RAD51B: variants seen among roughly 807,000 people sequenced by gnomAD.
RAD51B encodes DNA repair protein RAD51 homolog 2.
In RAD51B, 38 loss-of-function variants were observed where a neutral mutation model predicts 42.2. The ratio of observed to expected loss-of-function variants is 0.90; its 90% CI spans 0.70 to 1.18. The LOEUF (loss-of-function observed/expected upper bound fraction) is 1.18. Among genes scored for constraint, RAD51B ranks in the 50% most tolerant of loss-of-function variants. The pLI, the probability that RAD51B is intolerant of heterozygous loss-of-function variation, is 0.00. For synonymous variants in RAD51B, 154 were observed against 145.2 expected (o/e 1.06, Z -0.43); for missense variants, 373 against 400.7 (o/e 0.93, Z 0.59).
At chr14:68,171,938 C>T (rs1002685174) in intron 7 of RAD51B, among the ~76,000 whole-genome samples, 5 of 152,048 alleles carry the variant, frequency 3.3e-5, no homozygotes, top group Non-Finnish European at 7.4e-5. Context: ...AACTCCTGAC[C>T]TCAAGTGATC....
At chr14:68,529,751 G>GA (rs1342783437) in intron 10 of RAD51B, among the ~76,000 whole-genome samples, 1 of 152,112 alleles carries the variant, frequency 6.6e-6, no homozygotes, top group Non-Finnish European at 1.5e-5. Context: ...TCAACACTAA[G>GA]AAAACCAGTC....
Position 67,887,093 on chromosome 14 carries a change from G to A in RAD51B, c.645G>A (p.Val215=). The A allele has an allele frequency of 6.3e-7, 1 of 1,589,390 alleles. No individual in the cohort carries two copies. Among genetic ancestry groups the A allele is most frequent in the Non-Finnish European group, 8.6e-7 (1 of 1,159,690 alleles). Residue 215 remains valine (V), a synonymous_variant, in exon 7 of 11, where the codon GTG becomes GTA. Transcript: ENST00000471583. ...TGATTCTTGACTCTGTTGCTTCTGTGGTCAGAAAGGAGTTTGATGCACAAC... is the reference window on the plus strand; with the variant it reads ...TGATTCTTGACTCTGTTGCTTCTGTAGTCAGAAAGGAGTTTGATGCACAAC... ...KLVILDSVAS[V]VRKEFDAQLQ... is the part of the protein sequence containing the mutation.
Position 68,580,529 on chromosome 14 carries a change from G to A in RAD51B, c.1037-13956G>A, listed in dbSNP as rs74059394. ...GGAAGTGTTTGGGACAGTGACCCGC[G>A]TGGAAGAGACATTGTTATACACGTG... On this transcript the variant is annotated intron_variant, in intron 10 of 10. Coordinates refer to the RAD51B transcript ENST00000487270. 1.2e-3 allele frequency among the ~76,000 whole-genome samples: 187 copies of A among 152,250 alleles called. 1 individual carries two copies. Among genetic ancestry groups the A allele is most frequent in the African/African-American group, 4.0e-3 (166 of 41,550 alleles).
At chr14:68,187,580 T>C (rs1393046001) in intron 7 of RAD51B, among the ~76,000 whole-genome samples, 1 of 152,160 alleles carries the variant, frequency 6.6e-6, no homozygotes, top group African/African-American at 2.4e-5. Flanking sequence ...AAGTAATACA[T>C]ACCCTTAAAA....
chr14:68,437,285 ATTCTGTT>A (rs1351871506), intron 9 of RAD51B, among the ~76,000 whole-genome samples: 1 of 152,178 alleles, frequency 6.6e-6, no homozygotes, highest in African/African-American at 2.4e-5. Flanking sequence ...TTTCTCTTGA[ATTCTGTT>A]TATGTGATGA....
intron 7 of RAD51B, among the ~76,000 whole-genome samples, chr14:67,895,338 G>T (rs867932648): frequency 2.0e-5 from 3 of 152,202 alleles, no homozygotes; most frequent in South Asian, 2.1e-4. Flanking sequence ...TGCAGAGAAT[G>T]AGGTGATTTA....
intron 7 of RAD51B, among the ~76,000 whole-genome samples, chr14:68,123,634 C>G (rs2077697348): frequency 6.6e-6 from 1 of 152,008 alleles, no homozygotes; most frequent in South Asian, 2.1e-4. Flanking sequence ...GTGGTGAAAC[C>G]CCATCTCTAC....
intron 10 of RAD51B, among the ~76,000 whole-genome samples, chr14:68,560,670 AGGTTG>A (rs1889100176): frequency 6.6e-6 from 1 of 152,162 alleles, no homozygotes; most frequent in South Asian, 2.1e-4. Context: ...CGGGAGGCGG[AGGTTG>A]CAGTGAGCCG....
intron 8 of RAD51B, among the ~76,000 whole-genome samples, chr14:68,311,987 AT>A (rs1228580248): frequency 3.3e-5 from 5 of 152,222 alleles, no homozygotes; most frequent in Non-Finnish European, 5.9e-5. Context: ...CAGCATTGTT[AT>A]TTCAATTCAT....
At chr14:67,892,986 T>G (rs1284249917) in intron 7 of RAD51B, among the ~76,000 whole-genome samples, 2 of 152,232 alleles carry the variant, frequency 1.3e-5, no homozygotes, top group African/African-American at 2.4e-5. Flanking sequence ...GTATCCTTTT[T>G]CTGTAATAAG....
intron 11 of RAD51B, among the ~76,000 whole-genome samples, chr14:68,660,763 C>T (rs1329322272): frequency 6.6e-6 from 1 of 152,116 alleles, no homozygotes; most frequent in Admixed American, 6.5e-5. Context: ...CCAGAGGGGG[C>T]GGTGTTTGGG....
intron 7 of RAD51B, among the ~76,000 whole-genome samples, chr14:68,102,875 G>T (rs113043852): frequency 6.6e-5 from 10 of 152,164 alleles, no homozygotes; most frequent in Non-Finnish European, 1.3e-4. Context: ...AAGGAAAGAG[G>T]TTTAGTTGAC....
At chr14:68,558,242 C>T (rs1251296296) in intron 10 of RAD51B, among the ~76,000 whole-genome samples, 1 of 152,192 alleles carries the variant, frequency 6.6e-6, no homozygotes, top group Non-Finnish European at 1.5e-5. Context: ...TGAATATCTC[C>T]ACCCCACCCA....
intron 7 of RAD51B, among the ~76,000 whole-genome samples, chr14:68,060,100 A>G (rs988878189): frequency 6.6e-6 from 1 of 152,178 alleles, no homozygotes; most frequent in Non-Finnish European, 1.5e-5. Context: ...CTTTTTAGCT[A>G]TGATTATATA....
intron 7 of RAD51B, among the ~76,000 whole-genome samples, chr14:68,226,916 T>C (rs1252039378): frequency 1.3e-5 from 2 of 152,214 alleles, no homozygotes; most frequent in African/African-American, 4.8e-5. Flanking sequence ...CTAGTTTTTC[T>C]TTACTTCGTT....
intron 4 of RAD51B, among the ~76,000 whole-genome samples, chr14:67,849,909 A>C (rs1170254075): frequency 6.6e-6 from 1 of 152,150 alleles, no homozygotes; most frequent in East Asian, 1.9e-4. Flanking sequence ...CTAGAGAGCT[A>C]CTGTGATTCT....
At chr14:68,072,660 A>G (rs1426861415) in intron 7 of RAD51B, among the ~76,000 whole-genome samples, 1 of 152,142 alleles carries the variant, frequency 6.6e-6, no homozygotes, top group African/African-American at 2.4e-5. Context: ...CTCAGTATTA[A>G]CCATCACAGG....
chr14:68,531,450 T>C (rs1287480076), intron 10 of RAD51B, among the ~76,000 whole-genome samples: 1 of 151,924 alleles, frequency 6.6e-6, no homozygotes, highest in Non-Finnish European at 1.5e-5. Flanking sequence ...GAAAGGTGGG[T>C]GGTGTCACAG....
chr14:68,165,937 C>T (rs2078739955), intron 7 of RAD51B, among the ~76,000 whole-genome samples: 1 of 152,106 alleles, frequency 6.6e-6, no homozygotes, highest in Non-Finnish European at 1.5e-5. Flanking sequence ...CTACTCATAC[C>T]TCCCCCTTTA....
Sources: allele counts gnomAD v4.1 joint callset (sites outside exome capture counted in the v4.1 genomes callset), GRCh38; gene constraint gnomAD v4.1.1; transcripts MANE v1.5; gene names NCBI Gene and HGNC (gene_info 2026-07-23, HGNC 2026-07-21).